Variants in ANO10 observed in about 807,000 individuals in gnomAD.
The protein encoded by ANO10 is anoctamin-10.
Under a neutral mutation model 74.7 loss-of-function variants are expected in ANO10, and 77 were observed. The observed-to-expected ratio is 1.03, with a 90% CI of 0.86 to 1.25. The LOEUF (loss-of-function observed/expected upper bound fraction) is 1.25. ANO10 is among the 50% of genes most tolerant of loss of function. ANO10 has a pLI of 0.00. For missense variants in ANO10, 721 were observed against 778.1 expected (o/e 0.93, Z 0.87); for synonymous variants, 279 against 284.9 (o/e 0.98, Z 0.21).
chr3:43,460,777 G>A (rs1038814517), intron 11 of ANO10, among the ~76,000 whole-genome samples: 3 of 152,134 alleles, frequency 2.0e-5, no homozygotes, highest in Non-Finnish European at 4.4e-5. Context: ...GAGAACAGGA[G>A]AGAGGGTTTT....
chr3:43,568,719 C>T (rs1359887749), intron 7 of ANO10, among the ~76,000 whole-genome samples: 3 of 145,082 alleles, frequency 2.1e-5, no homozygotes, highest in Non-Finnish European at 4.5e-5. Context: ...ACTAAATGCC[C>T]ACAAGAGAAA....
chr3:43,528,362 A>C (rs1401323598), intron 11 of ANO10, among the ~76,000 whole-genome samples: 1 of 152,200 alleles, frequency 6.6e-6, no homozygotes, highest in Non-Finnish European at 1.5e-5. Flanking sequence ...ATAACTCAAT[A>C]ATCAAACCTG....
At chr3:43,377,341 C>T (rs565814838) in intron 12 of ANO10, among the ~76,000 whole-genome samples, 2 of 152,334 alleles carry the variant, frequency 1.3e-5, no homozygotes, top group South Asian at 2.1e-4. Flanking sequence ...CTGCCTCGGC[C>T]TTCCAAAGCA....
At chr3:43,549,947 C>G in intron 10 of ANO10, 99 bp from the exon 11 acceptor site, 1 of 1,381,564 alleles carries the variant, frequency 7.2e-7, no homozygotes. Context: ...AATGTCTTAC[C>G]CTAGTTCTAA....
intron 12 of ANO10, among the ~76,000 whole-genome samples, chr3:43,418,216 G>A (rs2092771059): frequency 6.6e-6 from 1 of 152,266 alleles, no homozygotes; most frequent in East Asian, 1.9e-4. Flanking sequence ...GGCAGAAGTT[G>A]CAGTGAGCCA....
At chr3:43,412,153 T>A (rs2092675888) in intron 12 of ANO10, among the ~76,000 whole-genome samples, 1 of 151,774 alleles carries the variant, frequency 6.6e-6, no homozygotes. Flanking sequence ...ATAAGATTCC[T>A]GAAGCTAGGA....
intron 1 of ANO10, among the ~76,000 whole-genome samples, chr3:43,673,331 C>T (rs1034971485): frequency 1.3e-5 from 2 of 152,118 alleles, no homozygotes; most frequent in Admixed American, 6.5e-5. Flanking sequence ...TTCAGTAAGC[C>T]GTATTCAACT....
chr3:43,642,617 C>A (rs901047008), intron 1 of ANO10, among the ~76,000 whole-genome samples: 1 of 152,060 alleles, frequency 6.6e-6, no homozygotes, highest in Non-Finnish European at 1.5e-5. Flanking sequence ...AAAAAATACA[C>A]GAAAAGGTAA....
chr3:43,410,735 C>T (rs988391272), intron 12 of ANO10, among the ~76,000 whole-genome samples: 1 of 152,082 alleles, frequency 6.6e-6, no homozygotes, highest in African/African-American at 2.4e-5. Flanking sequence ...ATTACCAAGT[C>T]CATTCCAACT....
At chr3:43,488,298 CA>C (rs1414147975) in intron 11 of ANO10, among the ~76,000 whole-genome samples, 1 of 150,872 alleles carries the variant, frequency 6.6e-6, no homozygotes, top group African/African-American at 2.4e-5. Flanking sequence ...GCAATGGCAA[CA>C]AAAGACAAAA....
chr3:43,566,280 G>A lies in ANO10; in HGVS notation c.1219-553C>T, dbSNP rs7627248. ...GGGGAGGGGCGCCCGCCATTGCCCA[G>A]GCTTGATTAGGTAAACAAAGCAGCT... On this transcript the variant is annotated intron_variant, in intron 7 of 12. Coordinates refer to ENST00000292246, the MANE Select transcript of ANO10 (RefSeq NM_018075.5). Among the ~76,000 whole-genome samples, 605 of 152,336 alleles carry A rather than the reference G, an allele frequency of 4.0e-3. 6 individuals carry two copies. Among genetic ancestry groups the A allele is most frequent in the African/African-American group, 0.014 (579 of 41,584 alleles).
intron 1 of ANO10, among the ~76,000 whole-genome samples, chr3:43,609,501 C>CA (rs2082713098): frequency 1.3e-5 from 2 of 152,200 alleles, no homozygotes; most frequent in South Asian, 4.1e-4. Context: ...GAACTGATAA[C>CA]AAAGGATCCT....
At chr3:43,623,875 T>A (rs1266536090), upstream of ANO10, among the ~76,000 whole-genome samples, 1 of 152,234 alleles carries the variant, frequency 6.6e-6, no homozygotes, top group Non-Finnish European at 1.5e-5. Flanking sequence ...CAGGACAAAT[T>A]ATTTATGAAC....
At chr3:43,513,655 C>T (rs1324240356) in intron 11 of ANO10, among the ~76,000 whole-genome samples, 3 of 152,106 alleles carry the variant, frequency 2.0e-5, no homozygotes, top group Admixed American at 2.0e-4. Context: ...GGACTACAGG[C>T]GCCTGCCACC....
At chr3:43,460,180 G>C (rs2075316002) in intron 11 of ANO10, among the ~76,000 whole-genome samples, 3 of 152,290 alleles carry the variant, frequency 2.0e-5, no homozygotes, top group Admixed American at 1.3e-4. Flanking sequence ...ATAAAACTGA[G>C]TGTAGAAAAT....
At chr3:43,423,806 G>C (rs979030330) in intron 12 of ANO10, among the ~76,000 whole-genome samples, 1 of 152,262 alleles carries the variant, frequency 6.6e-6, no homozygotes, top group East Asian at 1.9e-4. Flanking sequence ...AGAGACACTG[G>C]CACATGCAAA....
intron 11 of ANO10, among the ~76,000 whole-genome samples, chr3:43,450,764 T>G (rs2074828111): frequency 6.6e-6 from 1 of 152,180 alleles, no homozygotes; most frequent in Non-Finnish European, 1.5e-5. Flanking sequence ...AAAATATTGA[T>G]GAGAACATTT....
chr3:43,528,040 C>T (rs1215299350), intron 11 of ANO10, among the ~76,000 whole-genome samples: 4 of 152,008 alleles, frequency 2.6e-5, no homozygotes, highest in African/African-American at 7.2e-5. Flanking sequence ...AATACTCACA[C>T]CTCTCACTAC....
intron 11 of ANO10, among the ~76,000 whole-genome samples, chr3:43,452,114 C>T (rs1295237808): frequency 6.6e-6 from 1 of 152,088 alleles, no homozygotes; most frequent in Non-Finnish European, 1.5e-5. Flanking sequence ...CAATGTAGAT[C>T]AATTCTAAAA....
Sources: gnomAD v4.1 joint callset for allele counts (sites outside exome capture counted in the v4.1 genomes callset) on GRCh38, gnomAD v4.1.1 for gene constraint, MANE v1.5 for transcripts, NCBI Gene and HGNC (gene_info 2026-07-23, HGNC 2026-07-21) for gene names.